FHIT: variants seen among roughly 807,000 people sequenced by gnomAD.
The protein encoded by FHIT is bis(5'-adenosyl)-triphosphatase.
Under a neutral mutation model 17.9 loss-of-function variants are expected in FHIT, and 19 were observed. The observed-to-expected ratio is 1.06, with a 90% CI of 0.74 to 1.56. The LOEUF is 1.56. FHIT is among the 40% of genes most tolerant of loss of function. The probability of loss-of-function intolerance (pLI) is 0.00; values close to 1 mark genes in which losing one functional copy is unlikely to be tolerated. For missense variants in FHIT, 248 were observed against 189.2 expected (o/e 1.31, Z -1.82); for synonymous variants, 81 against 69.7 (o/e 1.16, Z -0.81).
At chr3:59,807,902 T>G (rs955056826) in intron 8 of FHIT, among the ~76,000 whole-genome samples, 6 of 152,202 alleles carry the variant, frequency 3.9e-5, no homozygotes, top group African/African-American at 1.4e-4. Context: ...AGAAAGCAAT[T>G]TATATGTCTG....
chr3:60,433,591 C>A (rs2029932328), intron 5 of FHIT, among the ~76,000 whole-genome samples: 1 of 152,018 alleles, frequency 6.6e-6, no homozygotes, highest in African/African-American at 2.4e-5. Context: ...TTTGGGTTTG[C>A]TTTTGTGACA....
chr3:60,437,319 A>T (rs150008208), intron 5 of FHIT, among the ~76,000 whole-genome samples: 24 of 152,244 alleles, frequency 1.6e-4, no homozygotes, highest in African/African-American at 5.5e-4. Context: ...AAAGGGAGTG[A>T]TTATACAATA....
At chr3:60,758,283 G>A (rs1490281397) in intron 4 of FHIT, among the ~76,000 whole-genome samples, 1 of 152,176 alleles carries the variant, frequency 6.6e-6, no homozygotes, top group African/African-American at 2.4e-5. Flanking sequence ...AAACGCTGCA[G>A]CTAGCCCCAA....
At chr3:59,939,704 T>C (rs1475853096) in intron 7 of FHIT, among the ~76,000 whole-genome samples, 1 of 152,164 alleles carries the variant, frequency 6.6e-6, no homozygotes, top group African/African-American at 2.4e-5. Flanking sequence ...TTAAGGTGAT[T>C]AGCCAACAAT....
intron 5 of FHIT, among the ~76,000 whole-genome samples, chr3:60,236,961 T>C (rs750122126): frequency 3.3e-5 from 5 of 152,170 alleles, no homozygotes; most frequent in Non-Finnish European, 4.4e-5. Flanking sequence ...CAATTAACCA[T>C]GTATCTCAGA....
chr3:60,793,457 C>T (rs1553729203), intron 4 of FHIT, among the ~76,000 whole-genome samples: 1 of 152,082 alleles, frequency 6.6e-6, no homozygotes, highest in Admixed American at 6.5e-5. Context: ...TGCCTGCTAC[C>T]ACGCCCAGCT....
intron 4 of FHIT, among the ~76,000 whole-genome samples, chr3:60,752,554 G>A (rs1553717112): frequency 6.6e-6 from 1 of 152,082 alleles, no homozygotes; most frequent in Admixed American, 6.6e-5. Flanking sequence ...CTCAACAATG[G>A]CTACTTTTTT....
At chr3:60,374,642 A>T (rs568785568) in intron 5 of FHIT, among the ~76,000 whole-genome samples, 2 of 151,228 alleles carry the variant, frequency 1.3e-5, no homozygotes, top group South Asian at 4.2e-4. Context: ...ATTGACATTT[A>T]TGTAGAAGGA....
At chr3:60,755,285 G>A (rs1307861712) in intron 4 of FHIT, among the ~76,000 whole-genome samples, 1 of 152,192 alleles carries the variant, frequency 6.6e-6, no homozygotes, top group Non-Finnish European at 1.5e-5. Context: ...ATGAGGACAT[G>A]ACAACAGAAG....
chr3:61,005,969 G>A (rs1359415076), intron 3 of FHIT, among the ~76,000 whole-genome samples: 1 of 152,082 alleles, frequency 6.6e-6, no homozygotes, highest in Non-Finnish European at 1.5e-5. Flanking sequence ...TAGAATCTGA[G>A]GGTGAAAGAA....
intron 8 of FHIT, among the ~76,000 whole-genome samples, chr3:59,794,541 G>A (rs748376531): frequency 3.9e-5 from 6 of 152,128 alleles, no homozygotes; most frequent in South Asian, 2.1e-4. Flanking sequence ...CTGTGCAGGC[G>A]CTTTATATGC....
intron 8 of FHIT, among the ~76,000 whole-genome samples, chr3:59,858,028 T>C (rs947593680): frequency 6.6e-6 from 1 of 152,112 alleles, no homozygotes; most frequent in Non-Finnish European, 1.5e-5. Context: ...CTGAATATTA[T>C]TAAATGATTT....
intron 5 of FHIT, among the ~76,000 whole-genome samples, chr3:60,238,399 G>A (rs1250719343): frequency 7.7e-6 from 1 of 129,578 alleles, no homozygotes; most frequent in Non-Finnish European, 1.6e-5. Flanking sequence ...AGAAAGCCAT[G>A]GTTTTATTAT....
intron 4 of FHIT, among the ~76,000 whole-genome samples, chr3:60,695,344 C>T (rs757982505): frequency 3.3e-5 from 5 of 151,942 alleles, no homozygotes; most frequent in Admixed American, 6.6e-5. Context: ...TGCAGTGAGC[C>T]GAGATTGTGC....
intron 5 of FHIT, among the ~76,000 whole-genome samples, chr3:60,017,376 A>C (rs891649575): frequency 6.6e-6 from 1 of 152,216 alleles, no homozygotes; most frequent in African/African-American, 2.4e-5. Context: ...AGCTTGCCTG[A>C]ACTGGAGGAA....
chr3:59,797,430 G>A lies in FHIT; in HGVS notation c.349-45109C>T, dbSNP rs142300767. ...TCAAACTCCTGACTTCATGTGATCC[G>A]ACCACCTTGGCCTCCCAAAATGTTG... is the stretch of plus-strand genomic sequence containing the variant. On this transcript the variant is annotated intron_variant, in intron 8 of 9. Transcript: ENST00000492590. Among the ~76,000 whole-genome samples, 33 of 152,164 alleles carry A rather than the reference G, an allele frequency of 2.2e-4. No individual in the cohort carries two copies. The East Asian group carries it at 5.2e-3, about 24-fold the overall frequency.
chr3:60,645,661 G>A (rs76350038), intron 4 of FHIT, among the ~76,000 whole-genome samples: 8 of 152,270 alleles, frequency 5.3e-5, no homozygotes, highest in Non-Finnish European at 1.2e-4. Context: ...TGTATTATGG[G>A]TGGCTCTGTG....
At chr3:60,110,710 G>T (rs1576121354) in intron 5 of FHIT, among the ~76,000 whole-genome samples, 1 of 152,114 alleles carries the variant, frequency 6.6e-6, no homozygotes, top group Non-Finnish European at 1.5e-5. Flanking sequence ...ACATATAATG[G>T]TTATTTCAGT....
chr3:59,854,085 G>C (rs889186100), intron 8 of FHIT, among the ~76,000 whole-genome samples: 1 of 152,108 alleles, frequency 6.6e-6, no homozygotes, highest in African/African-American at 2.4e-5. Context: ...TGGGTACTTC[G>C]AGTACATGAA....
Sources: gnomAD v4.1 joint callset for allele counts (sites outside exome capture counted in the v4.1 genomes callset) on GRCh38, gnomAD v4.1.1 for gene constraint, MANE v1.5 for transcripts, NCBI Gene and HGNC (gene_info 2026-07-23, HGNC 2026-07-21) for gene names.